The following SLX4IP variants were observed in gnomAD, a reference collection of about 807,000 sequenced individuals.
SLX4IP encodes the protein SLX4 interacting protein.
Under a neutral mutation model 32.9 loss-of-function variants are expected in SLX4IP, and 34 were observed. The observed-to-expected ratio is 1.03, with a 90% CI of 0.79 to 1.38. The LOEUF is 1.38. Among genes scored for constraint, SLX4IP ranks in the 40% most tolerant of loss-of-function variants. The pLI, the probability that SLX4IP is intolerant of heterozygous loss-of-function variation, is 0.00. For synonymous variants in SLX4IP, 172 were observed against 171.7 expected (o/e 1.00, Z -0.01); for missense variants, 444 against 479.0 (o/e 0.93, Z 0.68).
At chr20:10,519,330 C>T (rs1032292300) in intron 2 of SLX4IP, among the ~76,000 whole-genome samples, 1 of 152,134 alleles carries the variant, frequency 6.6e-6, no homozygotes, top group Admixed American at 6.5e-5. Context: ...ATCACCCCCC[C>T]AAAAAGAAAC....
intron 2 of SLX4IP, among the ~76,000 whole-genome samples, chr20:10,497,473 C>T (rs1568710029): frequency 6.6e-6 from 1 of 152,120 alleles, no homozygotes; most frequent in Non-Finnish European, 1.5e-5. Context: ...ATCATTTCCT[C>T]AATTTTGGCA....
intron 2 of SLX4IP, among the ~76,000 whole-genome samples, chr20:10,490,471 C>A (rs776067867): frequency 7.9e-5 from 12 of 152,114 alleles, no homozygotes; most frequent in Non-Finnish European, 1.6e-4. Flanking sequence ...CTCCCACCCC[C>A]TGCTTTAGAT....
intron 6 of SLX4IP, chr20:10,612,728 C>T (rs2066981515): frequency 6.6e-6 from 1 of 152,144 alleles, no homozygotes; most frequent in Non-Finnish European, 1.5e-5. Context: ...TTAGTAGTGA[C>T]AGGATTTCAC....
chr20:10,543,904 T>C (rs371066523), intron 2 of SLX4IP, among the ~76,000 whole-genome samples: 1 of 152,196 alleles, frequency 6.6e-6, no homozygotes, highest in South Asian at 2.1e-4. Context: ...AAGAAGAAAA[T>C]GAGGTTAGTT....
At chr20:10,492,631 A>C (rs377098372) in intron 2 of SLX4IP, among the ~76,000 whole-genome samples, 3 of 152,166 alleles carry the variant, frequency 2.0e-5, no homozygotes, top group South Asian at 4.1e-4. Context: ...GTCTTTGTTG[A>C]AAAGAAGTTT....
intron 2 of SLX4IP, among the ~76,000 whole-genome samples, chr20:10,475,051 T>C (rs547447120): frequency 1.6e-4 from 25 of 152,180 alleles, no homozygotes; most frequent in Non-Finnish European, 3.4e-4. Context: ...TGCTCTTCAT[T>C]GGGAATATTA....
chr20:10,492,480 G>T (rs534477573), intron 2 of SLX4IP, among the ~76,000 whole-genome samples: 1 of 152,020 alleles, frequency 6.6e-6, no homozygotes, highest in Non-Finnish European at 1.5e-5. Context: ...GTTGATACCT[G>T]GTTCATATCT....
chr20:10,567,672 A>C (rs1172025685), intron 4 of SLX4IP, among the ~76,000 whole-genome samples: 1 of 152,214 alleles, frequency 6.6e-6, no homozygotes, highest in Non-Finnish European at 1.5e-5. Context: ...CTCACACTCT[A>C]TATAACTTTT....
chr20:10,583,983 T>C (rs962430666), intron 4 of SLX4IP, among the ~76,000 whole-genome samples: 1 of 152,196 alleles, frequency 6.6e-6, no homozygotes, highest in Admixed American at 6.5e-5. Flanking sequence ...CTATGTAAGA[T>C]CTAATTTAGC....
Position 10,624,983 on chromosome 20 carries a change from T to G in SLX4IP, c.*1604T>G, listed in dbSNP as rs1232597. ...CACCACCCCCACTTGAAACAGCCCT[T>G]CCTACTGGTATCCTGTCCTCTTCCC... is the stretch of plus-strand genomic sequence containing the variant. On this transcript the variant is annotated 3_prime_UTR_variant, in exon 8 of 8. Transcript: ENST00000334534. 65,794 of 152,268 alleles carry G rather than the reference T, an allele frequency of 0.43. 14,390 individuals are homozygous for G. The highest frequency in any genetic ancestry group is 0.54 in the South Asian group (2,583 of 4,812). 9.4% of individuals were successfully genotyped at this position (152,268 alleles called of 1,614,324 possible).
rs571937200 is a variant in SLX4IP at position 10,547,290 on chromosome 20, T to G, written c.28-8941T>G. Among the ~76,000 whole-genome samples, 46 of 27,854 alleles carry G rather than the reference T, an allele frequency of 1.7e-3. 2 individuals carry two copies. In the East Asian group the frequency reaches 0.025, roughly 15 times the overall value. 18.3% of individuals were successfully genotyped at this position (27,854 alleles called of 152,430 possible). A position where few individuals can be genotyped will look rare whatever the true frequency, so the allele number is the denominator to read the frequency against. On this transcript the variant is annotated intron_variant, in intron 2 of 7. Coordinates refer to ENST00000334534, the MANE Select transcript of SLX4IP (RefSeq NM_001009608.3). ...TCTTTCTTTCTCTTTCCTTTGTGTT[T>G]TTATCTTTGTAGAATCCTTCCCCAA...
intron 2 of SLX4IP, among the ~76,000 whole-genome samples, chr20:10,519,466 A>G (rs2065885465): frequency 6.6e-6 from 1 of 152,252 alleles, no homozygotes; most frequent in Admixed American, 6.5e-5. Flanking sequence ...ATGGAGTTAT[A>G]CAACACGTGG....
chr20:10,482,835 A>C (rs2065535830), intron 2 of SLX4IP, among the ~76,000 whole-genome samples: 1 of 152,218 alleles, frequency 6.6e-6, no homozygotes, highest in Non-Finnish European at 1.5e-5. Context: ...ATCAGACTGG[A>C]AACTTAAAAC....
At chr20:10,514,822 T>C (rs2122436407) in intron 2 of SLX4IP, among the ~76,000 whole-genome samples, 1 of 152,294 alleles carries the variant, frequency 6.6e-6, no homozygotes, top group South Asian at 2.1e-4. Flanking sequence ...TTTATAGTTT[T>C]GTATTTTTTA....
chr20:10,436,933 A>T (rs77573053), intron 1 of SLX4IP, among the ~76,000 whole-genome samples: 2,383 of 150,640 alleles, frequency 0.016, 23 homozygotes, highest in Middle Eastern at 0.051. Flanking sequence ...TTTTTTTTTT[A>T]AAAGTTGTTT....
intron 2 of SLX4IP, among the ~76,000 whole-genome samples, chr20:10,496,035 AT>A (rs141892915): frequency 8.2e-5 from 12 of 146,578 alleles, no homozygotes; most frequent in Non-Finnish European, 1.2e-4. Flanking sequence ...TGTTTGGTTG[AT>A]TTTTTTTTTC....
chr20:10,455,685 C>G (rs2065279240), intron 1 of SLX4IP, among the ~76,000 whole-genome samples: 1 of 151,922 alleles, frequency 6.6e-6, no homozygotes, highest in African/African-American at 2.4e-5. Context: ...TCTTGCCACA[C>G]TGCAACCTCT....
At chr20:10,619,788 A>C (rs1232598) in intron 6 of SLX4IP, among the ~76,000 whole-genome samples, 91,804 of 151,962 alleles carry the variant, frequency 0.6, 28,164 homozygotes, top group South Asian at 0.76. Context: ...ATTCCTCTCG[A>C]TCTCTCTCTT....
At chr20:10,510,749 C>A (rs958463046) in intron 2 of SLX4IP, among the ~76,000 whole-genome samples, 1 of 151,916 alleles carries the variant, frequency 6.6e-6, no homozygotes, top group African/African-American at 2.4e-5. Context: ...GGACTACAGG[C>A]GCCCACCACC....
Sources: gnomAD v4.1 joint callset for allele counts (sites outside exome capture counted in the v4.1 genomes callset) on GRCh38, gnomAD v4.1.1 for gene constraint, MANE v1.5 for transcripts, NCBI Gene and HGNC (gene_info 2026-07-23, HGNC 2026-07-21) for gene names.